Variants in CELF2 observed in about 807,000 individuals in gnomAD.
CELF2 encodes the protein CUG triplet repeat RNA-binding protein 2.
A neutral mutation model predicts 62.6 loss-of-function variants in CELF2; 8 were observed. That is an observed-to-expected ratio of 0.13 (90% confidence interval 0.07 to 0.23). CELF2 has a LOEUF of 0.23. Ranked by LOEUF, CELF2 falls within the 10% of genes least tolerant of loss-of-function variation. The probability of loss-of-function intolerance (pLI) is 1.00; values close to 1 mark genes in which losing one functional copy is unlikely to be tolerated. For missense variants in CELF2, 333 were observed against 671.0 expected, an observed-to-expected ratio of 0.50 and a Z score of 5.56; for synonymous variants, 258 against 250.0, an observed-to-expected ratio of 1.03 and a Z score of -0.30.
the CELF2 span, among the ~76,000 whole-genome samples, chr10:10,741,001 C>CTAA: frequency 1.3e-5 from 2 of 152,050 alleles, no homozygotes; most frequent in African/African-American, 4.8e-5. Flanking sequence ...TTCTAGGGAT[C>CTAA]TAATACACAG....
chr10:10,557,417 T>G, the CELF2 span, among the ~76,000 whole-genome samples: 1 of 148,470 alleles, frequency 6.7e-6, no homozygotes, highest in Non-Finnish European at 1.5e-5. Context: ...ACCAGTACCA[T>G]GCTGTTTTGG....
At chr10:10,478,382 T>A in the CELF2 span, among the ~76,000 whole-genome samples, 1 of 152,194 alleles carries the variant, frequency 6.6e-6, no homozygotes, top group African/African-American at 2.4e-5. Context: ...CCGATTGATA[T>A]TCAAACAAAC....
At chr10:10,582,004 G>A in the CELF2 span, among the ~76,000 whole-genome samples, 1 of 152,032 alleles carries the variant, frequency 6.6e-6, no homozygotes, top group African/African-American at 2.4e-5. Context: ...CTCCAGTCTG[G>A]GCAACAGAGC....
chr10:10,926,374 C>G (rs2065460119), intron 2 of CELF2, among the ~76,000 whole-genome samples: 1 of 152,124 alleles, frequency 6.6e-6, no homozygotes, highest in South Asian at 2.1e-4. Context: ...TTCTCTTGCT[C>G]TTCTGCTGTC....
chr10:10,528,181 G>C, the CELF2 span, among the ~76,000 whole-genome samples: 1 of 151,902 alleles, frequency 6.6e-6, no homozygotes, highest in East Asian at 1.9e-4. Flanking sequence ...GTGTGTGTGT[G>C]ATTGTCATAA....
At chr10:10,765,267 G>A in the CELF2 span, among the ~76,000 whole-genome samples, 11 of 152,218 alleles carry the variant, frequency 7.2e-5, no homozygotes, top group African/African-American at 2.7e-4. Context: ...CAGTCCCAAG[G>A]CATCTCTTAT....
intron 3 of CELF2, among the ~76,000 whole-genome samples, chr10:11,229,360 G>C (rs1304140203): frequency 6.9e-6 from 1 of 145,356 alleles, no homozygotes; most frequent in African/African-American, 2.9e-5. Context: ...AACCTAATAA[G>C]ATTCTTCCTG....
intron 2 of CELF2, among the ~76,000 whole-genome samples, chr10:11,196,946 G>A (rs377367150): frequency 3.4e-5 from 5 of 148,564 alleles, no homozygotes; most frequent in Non-Finnish European, 4.5e-5. Flanking sequence ...GCGACAGAGC[G>A]AGACTCTGTC....
chr10:11,002,806 G>A (rs1564342096), upstream of CELF2, among the ~76,000 whole-genome samples: 1 of 151,928 alleles, frequency 6.6e-6, no homozygotes, highest in Non-Finnish European at 1.5e-5. The surrounding 1 kb of genome is among the most constrained non-coding windows in gnomAD (Gnocchi z 4.4). Context: ...AAACGTCAAG[G>A]TTATTTTTTT....
intron 1 of CELF2, among the ~76,000 whole-genome samples, chr10:10,889,514 A>G (rs559097630): frequency 1.3e-5 from 2 of 152,350 alleles, no homozygotes; most frequent in African/African-American, 2.4e-5. Flanking sequence ...CATATACTCT[A>G]TCAGAACTGG....
chr10:10,790,993 A>T, the CELF2 span, among the ~76,000 whole-genome samples: 1 of 152,304 alleles, frequency 6.6e-6, no homozygotes, highest in African/African-American at 2.4e-5. Context: ...TAAAATGAAG[A>T]TTAAAATAGA....
the CELF2 span, among the ~76,000 whole-genome samples, chr10:10,773,328 A>G: frequency 6.6e-6 from 1 of 152,318 alleles, no homozygotes; most frequent in Admixed American, 6.5e-5. Flanking sequence ...TGAAAACTGA[A>G]AGTGAGAAAT....
the CELF2 span, among the ~76,000 whole-genome samples, chr10:10,659,926 G>A: frequency 2.1e-4 from 32 of 152,316 alleles, no homozygotes; most frequent in East Asian, 9.6e-4. Context: ...GGGTTGTTGA[G>A]AGAGGCACAA....
intron 1 of CELF2, among the ~76,000 whole-genome samples, chr10:11,024,234 T>A (rs1284144799): frequency 6.6e-6 from 1 of 152,210 alleles, no homozygotes; most frequent in African/African-American, 2.4e-5. Context: ...ACCTAGGTAG[T>A]TGACCAGTTT....
chr10:11,235,302 C>T (rs2136588511), intron 3 of CELF2, among the ~76,000 whole-genome samples: 1 of 152,328 alleles, frequency 6.6e-6, no homozygotes, highest in East Asian at 1.9e-4. Flanking sequence ...TCTTGCTTTA[C>T]TCCTTAACAT....
rs1297931814 is a variant in CELF2 at position 11,224,079 on chromosome 10, C to T, written c.354+6572C>T. Among the ~76,000 whole-genome samples the T allele has an allele frequency of 6.6e-6, 1 of 152,042 alleles. No homozygotes were observed. The highest frequency in any genetic ancestry group is 2.4e-5 in the African/African-American group (1 of 41,374). Reference sequence around the variant, plus strand: ...GGCCTACTCGGTATAAGGAATTGTACGAGAGAAAATGTATGAGGATTCTTC... The same window carrying T: ...GGCCTACTCGGTATAAGGAATTGTATGAGAGAAAATGTATGAGGATTCTTC... On this transcript the variant is annotated intron_variant, in intron 3 of 12. Transcript: ENST00000633077. This position sits in a 1 kb window ranked among gnomAD's most constrained non-coding sequence, Gnocchi z 4.5.
chr10:10,920,021 A>C (rs2064736751), intron 2 of CELF2: 3 of 1,228,778 alleles, frequency 2.4e-6, no homozygotes, highest in African/African-American at 1.6e-5. Flanking sequence ...GGCTTTGCTT[A>C]TTCTATGCCC....
At chr10:11,265,800 C>A (rs1399425696) in intron 5 of CELF2, among the ~76,000 whole-genome samples, 1 of 152,230 alleles carries the variant, frequency 6.6e-6, no homozygotes, top group Non-Finnish European at 1.5e-5. Context: ...CAGATATTCA[C>A]AGAAGTGTAC....
At position 11,332,702 on chromosome 10, in the gene CELF2, T is replaced by TG. The variant is rs2096051708; in HGVS notation, c.*3652dup. On this transcript the variant is annotated 3_prime_UTR_variant, in exon 13 of 13. Transcript: ENST00000633077. ...CCCTGTTAGGATCAGTGTGTGTGGA[T>TG]GGGATAGCCCTGGGATGGAAAGGAC... is the stretch of plus-strand genomic sequence containing the variant. 6.6e-6 allele frequency: 1 copy of TG among 151,622 alleles called. No homozygotes were observed. The highest frequency in any genetic ancestry group is 6.6e-5 in the Admixed American group (1 of 15,240). 9.4% of individuals were successfully genotyped at this position (151,622 alleles called of 1,614,324 possible).
Sources: allele counts gnomAD v4.1 joint callset (sites outside exome capture counted in the v4.1 genomes callset), GRCh38; gene constraint gnomAD v4.1.1; non-coding constraint Gnocchi (gnomAD v3.1); transcripts MANE v1.5; gene names NCBI Gene and HGNC (gene_info 2026-07-23, HGNC 2026-07-21).